NAV2: variants seen among roughly 807,000 people sequenced by gnomAD.
NAV2 encodes neuron navigator 2.
NAV2 carries 54 observed loss-of-function variants against 223.2 expected under a neutral mutation model. The observed-to-expected ratio is 0.24, with a 90% CI of 0.19 to 0.30. The LOEUF (loss-of-function observed/expected upper bound fraction) is 0.30. NAV2 is among the 10% of genes least tolerant of loss of function. NAV2 has a pLI of 1.00. For synonymous variants in NAV2, 1,279 were observed against 1,239.3 expected, an observed-to-expected ratio of 1.03 and a Z score of -0.67; for missense variants, 2,806 against 3,147.5, an observed-to-expected ratio of 0.89 and a Z score of 2.60.
intron 1 of NAV2, among the ~76,000 whole-genome samples, chr11:19,570,018 AG>A: frequency 6.6e-6 from 1 of 152,318 alleles, no homozygotes; most frequent in East Asian, 1.9e-4. Flanking sequence ...TGTAGCTATC[AG>A]GGGGAACATC....
rs150398786 is a variant in NAV2, at chr11:19,561,607, A to G, written c.75+210580A>G. Among the ~76,000 whole-genome samples, 703 of 152,264 alleles carry G rather than the reference A, an allele frequency of 4.6e-3. 6 individuals are homozygous for G. The highest frequency in any genetic ancestry group is 0.016 in the African/African-American group (679 of 41,528). On this transcript the variant is annotated intron_variant, in intron 1 of 37. Transcript: ENST00000360655. Reference sequence around the variant, plus strand: ...GTTAATTATCTTCATCACTCTGTTTAATTTAGATATGTGTTTGGGGACTCC... The same window carrying G: ...GTTAATTATCTTCATCACTCTGTTTGATTTAGATATGTGTTTGGGGACTCC...
chr11:19,937,618 A>G (rs937192867), intron 7 of NAV2, among the ~76,000 whole-genome samples: 3 of 152,184 alleles, frequency 2.0e-5, no homozygotes, highest in African/African-American at 7.2e-5. Flanking sequence ...TGGAGTGACA[A>G]CTCAAGTTTT....
chr11:20,091,370 A>G (rs1424491225), intron 27 of NAV2, among the ~76,000 whole-genome samples: 10 of 152,274 alleles, frequency 6.6e-5, no homozygotes, highest in Middle Eastern at 3.4e-3. Flanking sequence ...CGCCAGCCAG[A>G]TGGAGTCGCT....
intron 1 of NAV2, 153 bp downstream of exon 1, chr11:19,714,115 G>T: frequency 8.5e-7 from 1 of 1,182,872 alleles, no homozygotes; most frequent in Non-Finnish European, 1.2e-6. Flanking sequence ...TGGGGGATGC[G>T]CGAGGAGAGT....
intron 1 of NAV2, among the ~76,000 whole-genome samples, chr11:19,554,593 C>T (rs1186715942): frequency 6.6e-6 from 1 of 152,188 alleles, no homozygotes; most frequent in Non-Finnish European, 1.5e-5. Context: ...ACTTTCAGGC[C>T]ACTTGTCCTC....
chr11:19,450,713 C>A (rs1851761248), intron 1 of NAV2, among the ~76,000 whole-genome samples: 1 of 152,180 alleles, frequency 6.6e-6, no homozygotes, highest in African/African-American at 2.4e-5. Context: ...ACAACTTCGT[C>A]ATTCACAACT....
At chr11:19,866,596 T>C (rs2062109085) in intron 3 of NAV2, among the ~76,000 whole-genome samples, 1 of 152,208 alleles carries the variant, frequency 6.6e-6, no homozygotes, top group Non-Finnish European at 1.5e-5. Context: ...AATGATGCTG[T>C]ATGTGTTGAA....
At chr11:19,485,873 G>T (rs779356371) in intron 1 of NAV2, among the ~76,000 whole-genome samples, 1 of 152,048 alleles carries the variant, frequency 6.6e-6, no homozygotes, top group African/African-American at 2.4e-5. Flanking sequence ...TTTCCCAATT[G>T]TGCCATTGCC....
chr11:19,395,132 T>A (rs1314722527), intron 1 of NAV2, among the ~76,000 whole-genome samples: 1 of 152,212 alleles, frequency 6.6e-6, no homozygotes, highest in African/African-American at 2.4e-5. Flanking sequence ...AGAGTGAGAC[T>A]GTGTTCCCAT....
intron 1 of NAV2, among the ~76,000 whole-genome samples, chr11:19,717,911 G>A (rs929321841): frequency 1.3e-5 from 2 of 152,166 alleles, no homozygotes; most frequent in African/African-American, 4.8e-5. Flanking sequence ...CCCTAAGCCT[G>A]CTCTTCATCT....
At chr11:19,465,258 G>A (rs970048712) in intron 1 of NAV2, among the ~76,000 whole-genome samples, 2 of 152,134 alleles carry the variant, frequency 1.3e-5, no homozygotes, top group Admixed American at 6.5e-5. Context: ...CTCCTGATCC[G>A]CCAAAGAAAA....
At chr11:19,378,579 C>A (rs1848722872) in intron 1 of NAV2, among the ~76,000 whole-genome samples, 1 of 142,050 alleles carries the variant, frequency 7.0e-6, no homozygotes, top group Non-Finnish European at 1.5e-5. Flanking sequence ...GCATCTCCTT[C>A]AGATTGGCTT....
chr11:19,928,932 C>G (rs1440563270), intron 6 of NAV2, among the ~76,000 whole-genome samples: 1 of 152,096 alleles, frequency 6.6e-6, no homozygotes, highest in African/African-American at 2.4e-5. Flanking sequence ...AAGCTTCATG[C>G]TAGGAGTCAT....
intron 6 of NAV2, among the ~76,000 whole-genome samples, chr11:19,903,773 C>T (rs1362515968): frequency 6.6e-6 from 1 of 152,150 alleles, no homozygotes; most frequent in Non-Finnish European, 1.5e-5. Context: ...GCCTGGCATT[C>T]TCAGGCACTG....
chr11:19,914,630 C>T (rs1043240709), intron 6 of NAV2, among the ~76,000 whole-genome samples: 71 of 151,906 alleles, frequency 4.7e-4, no homozygotes, highest in African/African-American at 1.7e-3. Context: ...CTGCAAGCTC[C>T]GCTTCCCGGG....
intron 11 of NAV2, among the ~76,000 whole-genome samples, chr11:20,031,656 A>G (rs2055755014): frequency 6.6e-6 from 1 of 152,178 alleles, no homozygotes; most frequent in Non-Finnish European, 1.5e-5. Context: ...CCACTGTGCC[A>G]GCTTCCTTCT....
chr11:20,107,082 TTTTTTTTTTTTTTA>T, intron 35 of NAV2, among the ~76,000 whole-genome samples: 1 of 111,160 alleles, frequency 9.0e-6, no homozygotes, highest in African/African-American at 3.7e-5. Flanking sequence ...TTTTTTTTTT[TTTTTTTTTTTTTTA>T]GGACGGAGTC....
chr11:19,932,101 T>C (rs2045405846), intron 6 of NAV2, among the ~76,000 whole-genome samples: 1 of 151,832 alleles, frequency 6.6e-6, no homozygotes, highest in South Asian at 2.1e-4. Flanking sequence ...AGTTTGGAAG[T>C]ATTTTGAGGC....
chr11:20,083,259 T>C (rs2060204579), intron 26 of NAV2, 80 bp downstream of exon 26: 2 of 1,135,164 alleles, frequency 1.8e-6, no homozygotes, highest in Admixed American at 2.1e-5. Flanking sequence ...AGTCCTGTTA[T>C]GACACATCTG....
Sources: gnomAD v4.1 joint callset for allele counts (sites outside exome capture counted in the v4.1 genomes callset) on GRCh38, gnomAD v4.1.1 for gene constraint, MANE v1.5 for transcripts, NCBI Gene and HGNC (gene_info 2026-07-23, HGNC 2026-07-21) for gene names.